REELD1: variants seen among roughly 807,000 people sequenced by gnomAD.
The protein encoded by REELD1 is reelin domain-containing protein 1.
In REELD1, 12 loss-of-function variants were observed where a neutral mutation model predicts 6.3. The observed-to-expected ratio is 1.89, with a 90% CI of 1.21 to 3.07. REELD1 has a LOEUF of 3.07. REELD1 is among the 30% of genes most tolerant of loss of function. The pLI is 0.00. For synonymous variants in REELD1, 57 were observed against 33.6 expected (o/e 1.70, Z -2.42); for missense variants, 163 against 86.8 (o/e 1.88, Z -3.49).
chr4:146,216,832 A>G (rs1230488311), intron 2 of REELD1, 110 bp from the exon 3 acceptor site: 1 of 397,458 alleles, frequency 2.5e-6, no homozygotes, highest in Non-Finnish European at 4.4e-6. Flanking sequence ...CACTAAAAGC[A>G]TCTCAGGTAC....
chr4:146,230,622 C>T lies in REELD1; in HGVS notation c.*109C>T, dbSNP rs1731113491. 1 of 397,406 alleles carries T rather than the reference C, an allele frequency of 2.5e-6. No homozygotes were observed. The allele number at this position is 397,406 out of a possible 1,614,324, so 24.6% of individuals were successfully genotyped here. A position where few individuals can be genotyped will look rare whatever the true frequency, so the allele number is the denominator to read the frequency against. On this transcript the variant is annotated 3_prime_UTR_variant, in exon 8 of 8. Transcript: ENST00000623665. ...TGATGAAGACAGGGACTCATTGTGCCTCTGTCAATGTGCAGTTAGTGGAGG... is the reference window on the plus strand; with the variant it reads ...TGATGAAGACAGGGACTCATTGTGCTTCTGTCAATGTGCAGTTAGTGGAGG...
intron 2 of REELD1, among the ~76,000 whole-genome samples, 161 bp downstream of exon 2, chr4:146,215,359 G>A (rs1289918457): frequency 2.0e-5 from 3 of 152,214 alleles, no homozygotes; most frequent in African/African-American, 7.2e-5. Flanking sequence ...ATGGTTCCTT[G>A]TAGTATGGAG....
In REELD1 at chr4:146,230,209, T is replaced by C. The variant is rs759319744; in HGVS notation, c.1277T>C (p.Ile426Thr). The change falls in exon 8 of 8, where the codon ATT becomes ACT. Residue 426 changes from isoleucine (I) to threonine (T), a missense_variant. Coordinates refer to ENST00000623665, the MANE Select transcript of REELD1 (RefSeq NM_001354631.1). ...CGGCAGACCAACCCACGGCCTGACA[T>C]TGGGCTAGAGGGAGCCCAGGCCCCT... The part of the protein sequence containing the change: ...YPRQTNPRPD[I>T]GLEGAQAPLG... 2 of 398,808 alleles carry C rather than the reference T, an allele frequency of 5.0e-6. No homozygotes were observed. Among genetic ancestry groups the C allele is most frequent in the Non-Finnish European group, 8.8e-6 (2 of 226,208 alleles). 24.7% of individuals were successfully genotyped at this position (398,808 alleles called of 1,614,324 possible).
chr4:146,224,907 C>T (rs1267312750), intron 5 of REELD1, among the ~76,000 whole-genome samples: 2 of 152,204 alleles, frequency 1.3e-5, no homozygotes, highest in African/African-American at 4.8e-5. Context: ...AAACAGCATA[C>T]ACCTCTTCCC....
rs1382332391 is a variant in REELD1, at chr4:146,230,521, G to A, written c.*8G>A. ...AAGAAAACAGTCCTCTGAGAAGACTGTCACCCCAGACCTCTCAGTGGCCCT... is the reference window on the plus strand; with the variant it reads ...AAGAAAACAGTCCTCTGAGAAGACTATCACCCCAGACCTCTCAGTGGCCCT... On this transcript the variant is annotated 3_prime_UTR_variant, in exon 8 of 8. Coordinates refer to ENST00000623665, the MANE Select transcript of REELD1 (RefSeq NM_001354631.1). 3 of 398,542 alleles carry A rather than the reference G, an allele frequency of 7.5e-6. No individual in the cohort carries two copies. Among genetic ancestry groups the A allele is most frequent in the Admixed American group, 4.4e-5 (1 of 22,728 alleles). The allele number at this position is 398,542 out of a possible 1,614,324, so 24.7% of individuals were successfully genotyped here.
At chr4:146,217,592 ATT>A (rs1379820016) in intron 3 of REELD1, among the ~76,000 whole-genome samples, 1 of 152,216 alleles carries the variant, frequency 6.6e-6, no homozygotes, top group African/African-American at 2.4e-5. Flanking sequence ...AGCATAAAAT[ATT>A]TGTGTCATAA....
At position 146,215,157 on chromosome 4, in the gene REELD1, G is replaced by C. The variant is rs1220077439; in HGVS notation, c.-53G>C. On this transcript the variant is annotated 5_prime_UTR_variant, in exon 2 of 8. Coordinates refer to ENST00000623665, the MANE Select transcript of REELD1 (RefSeq NM_001354631.1). ...TGCAGCCTCGACCTCCTGGATTCAA[G>C]TGATCCTCCTGCCTCAGCCTCCTGA... 6.6e-6 allele frequency: 1 copy of C among 152,486 alleles called. No homozygotes were observed. The highest frequency in any genetic ancestry group is 2.1e-4 in the South Asian group (1 of 4,832). 9.4% of individuals were successfully genotyped at this position (152,486 alleles called of 1,614,324 possible).
Position 146,228,292 on chromosome 4 carries a change from C to G in REELD1, c.678C>G (p.Asn226Lys), listed in dbSNP as rs1731061265. The change falls in exon 6 of 8, where the codon AAC (asparagine) becomes AAG (lysine). Residue 226 changes from asparagine to lysine, a missense_variant. Transcript: ENST00000623665. ...TTCCTGGAGCTGCAGAGGAGGACAA[C>G]CTAGATCCTGTTCCTGCCAGTATTT... ...VALPGAAEED[N>K]LDPVPASIWV... The G allele has an allele frequency of 1.4e-6, 1 of 702,454 alleles. No homozygotes were observed. The highest frequency in any genetic ancestry group is 2.6e-6 in the Non-Finnish European group (1 of 385,010). 43.5% of individuals were successfully genotyped at this position (702,454 alleles called of 1,614,324 possible). A position where few individuals can be genotyped will look rare whatever the true frequency, so the allele number is the denominator to read the frequency against.
rs3029290 is a variant in REELD1 at position 146,215,651 on chromosome 4, A to ATTTTTTTTT, written c.-12+464_-12+472dup. 6.9e-5 allele frequency among the ~76,000 whole-genome samples: 6 copies of ATTTTTTTTT among 86,670 alleles called. 1 individual carries two copies. Among genetic ancestry groups the ATTTTTTTTT allele is most frequent in the African/African-American group, 2.2e-4 (5 of 22,320 alleles). 56.9% of individuals were successfully genotyped at this position (86,670 alleles called of 152,430 possible). A position where few individuals can be genotyped will look rare whatever the true frequency, so the allele number is the denominator to read the frequency against. On this transcript the variant is annotated intron_variant, in intron 2 of 7. Coordinates refer to ENST00000623665, the MANE Select transcript of REELD1 (RefSeq NM_001354631.1). ...AAACCAGCTGACTACAGGGGAGGGC[A>ATTTTTTTTT]TTTTTTTTTTTTTTTTTTTGCCTTG...
chr4:146,228,483 C>T lies in REELD1; in HGVS notation c.869C>T (p.Ser290Phe). The change falls in exon 6 of 8, where the codon TCC becomes TTC. Residue 290 changes from serine to phenylalanine, a missense_variant. Ser to Phe is a radical substitution (Grantham distance 155). Transcript: ENST00000623665. ...AGGCTCGTGGCCCTCAAGAGAGTCT[C>T]CTCAGAGAGCTTTGCTTCCAGCCTT... ...LERLVALKRV[S>F]SESFASSLST... 1 of 702,472 alleles carries T rather than the reference C, an allele frequency of 1.4e-6. No homozygotes were observed. The highest frequency in any genetic ancestry group is 2.7e-5 in the East Asian group (1 of 37,272). 43.5% of individuals were successfully genotyped at this position (702,472 alleles called of 1,614,324 possible).
chr4:146,223,154 A>G lies in REELD1; in HGVS notation c.431+575A>G, dbSNP rs552368772. ...ACTTGTTTTGTCATTCTTTTCAGAC[A>G]CTTGCATTTACCAAGAAAGATAATT... On this transcript the variant is annotated intron_variant, in intron 4 of 7. Transcript: ENST00000623665. Among the ~76,000 whole-genome samples the G allele has an allele frequency of 1.1e-3, 171 of 152,310 alleles. 1 individual carries two copies. The highest frequency in any genetic ancestry group is 6.8e-3 in the Middle Eastern group (2 of 294).
rs1578704251 is a variant in REELD1 at position 146,230,773 on chromosome 4, A to G, written c.*260A>G. On this transcript the variant is annotated 3_prime_UTR_variant, in exon 8 of 8. Transcript: ENST00000623665. ...CGTTCTGTTTGAAGACTTAAACTCAACACAATGAATATTGTATAACCCGCT... is the reference window on the plus strand; with the variant it reads ...CGTTCTGTTTGAAGACTTAAACTCAGCACAATGAATATTGTATAACCCGCT... 11 of 298,710 alleles carry G rather than the reference A, an allele frequency of 3.7e-5. No individual in the cohort carries two copies. The East Asian group carries it at 5.8e-4, about 16-fold the overall frequency. 18.5% of individuals were successfully genotyped at this position (298,710 alleles called of 1,614,324 possible).
chr4:146,223,482 C>A (rs542515015), intron 4 of REELD1, among the ~76,000 whole-genome samples: 2 of 152,326 alleles, frequency 1.3e-5, no homozygotes, highest in East Asian at 3.9e-4. Context: ...CAGCTTCTGC[C>A]CTTGGCTTTG....
At chr4:146,225,960 T>C (rs1459601631) in intron 5 of REELD1, among the ~76,000 whole-genome samples, 2 of 152,172 alleles carry the variant, frequency 1.3e-5, no homozygotes, top group East Asian at 1.9e-4. Context: ...AACATGTATG[T>C]ATGCTTGTGC....
Position 146,231,619 on chromosome 4 carries a change from T to C in REELD1, c.*1106T>C, listed in dbSNP as rs1027541644. Among the ~76,000 whole-genome samples the C allele has an allele frequency of 6.6e-6, 1 of 152,134 alleles. No individual in the cohort carries two copies. Among genetic ancestry groups the C allele is most frequent in the Non-Finnish European group, 1.5e-5 (1 of 68,030 alleles). On this transcript the variant is annotated 3_prime_UTR_variant, in exon 8 of 8. Coordinates refer to ENST00000623665, the MANE Select transcript of REELD1 (RefSeq NM_001354631.1). ...ATGCAGAAACAAAAATCACTACAAA[T>C]TCGGAAAGGATATTTGTTTATTGAA... is the stretch of plus-strand genomic sequence containing the variant.
In REELD1 at chr4:146,222,399, A is replaced by G. The variant is rs1730940148; in HGVS notation, c.251A>G (p.Gln84Arg). 2 of 398,490 alleles carry G rather than the reference A, an allele frequency of 5.0e-6. No individual in the cohort carries two copies. Among genetic ancestry groups the G allele is most frequent in the South Asian group, 1.3e-4 (1 of 7,862 alleles). 24.7% of individuals were successfully genotyped at this position (398,490 alleles called of 1,614,324 possible). The change falls in exon 4 of 8, where the codon CAG becomes CGG. Residue 84 changes from glutamine (Q) to arginine (R), a missense_variant. Physicochemically the swap from Gln to Arg is conservative, Grantham distance 43. Transcript: ENST00000623665. ...CGTGATTTCATGGGATTTCTCCTTCAGGCTCGAAGAGTGTCCGATCATCAA... is the reference window on the plus strand; with the variant it reads ...CGTGATTTCATGGGATTTCTCCTTCGGGCTCGAAGAGTGTCCGATCATCAA... ...SSRDFMGFLL[Q>R]ARRVSDHQIA...
intron 3 of REELD1, among the ~76,000 whole-genome samples, chr4:146,220,874 G>A (rs1730912266): frequency 6.6e-6 from 1 of 152,176 alleles, no homozygotes; most frequent in African/African-American, 2.4e-5. Flanking sequence ...TGTAACATCT[G>A]GGTTCTGTTA....
rs1008476399 is a variant in REELD1 at position 146,231,771 on chromosome 4, A to T, written c.*1258A>T. The T allele has an allele frequency of 6.6e-6, 1 of 152,200 alleles. No individual in the cohort carries two copies. The highest frequency in any genetic ancestry group is 2.4e-5 in the African/African-American group (1 of 41,452). 9.4% of individuals were successfully genotyped at this position (152,200 alleles called of 1,614,324 possible). A position where few individuals can be genotyped will look rare whatever the true frequency, so the allele number is the denominator to read the frequency against. ...AGAATGAGGCTTTCCTTATACCTCA[A>T]TTTAACAATTTTTAAAAATTGAGTG... On this transcript the variant is annotated 3_prime_UTR_variant, in exon 8 of 8. Coordinates refer to ENST00000623665, the MANE Select transcript of REELD1 (RefSeq NM_001354631.1).
chr4:146,216,569 G>T (rs1730829321), intron 2 of REELD1, among the ~76,000 whole-genome samples: 1 of 152,198 alleles, frequency 6.6e-6, no homozygotes, highest in Non-Finnish European at 1.5e-5. Context: ...TAATGTATCA[G>T]AGGCCACACC....
Sources: allele counts gnomAD v4.1 joint callset (sites outside exome capture counted in the v4.1 genomes callset), GRCh38; gene constraint gnomAD v4.1.1; transcripts MANE v1.5; gene names NCBI Gene and HGNC (gene_info 2026-07-23, HGNC 2026-07-21).